The following PHYHIPL variants were observed in gnomAD, a reference collection of about 807,000 sequenced individuals.
PHYHIPL encodes the protein phytanoyl-CoA hydroxylase-interacting protein-like.
PHYHIPL carries 9 observed loss-of-function variants against 33.4 expected under a neutral mutation model. The ratio of observed to expected loss-of-function variants is 0.27; its 90% CI spans 0.16 to 0.47. The LOEUF is 0.47. Among genes scored for constraint, PHYHIPL ranks in the 20% least tolerant of loss-of-function variants. The pLI is 0.99. For synonymous variants in PHYHIPL, 153 were observed against 154.1 expected, an observed-to-expected ratio of 0.99 and a Z score of 0.05; for missense variants, 365 against 460.7, an observed-to-expected ratio of 0.79 and a Z score of 1.90.
At chr10:59,187,307 A>G (rs1265536334) in intron 1 of PHYHIPL, among the ~76,000 whole-genome samples, 1 of 152,214 alleles carries the variant, frequency 6.6e-6, no homozygotes, top group African/African-American at 2.4e-5. Flanking sequence ...CATCCCAGGG[A>G]TGAAGCCGAC....
intron 1 of PHYHIPL, among the ~76,000 whole-genome samples, chr10:59,193,651 T>C (rs964774047): frequency 7.2e-5 from 11 of 152,186 alleles, no homozygotes; most frequent in African/African-American, 2.4e-4. Context: ...GCAGACTCTT[T>C]TTGTTTAAGC....
chr10:59,220,791 T>C (rs1839747998), intron 1 of PHYHIPL, among the ~76,000 whole-genome samples: 1 of 152,086 alleles, frequency 6.6e-6, no homozygotes, highest in African/African-American at 2.4e-5. Flanking sequence ...AAATCTTCTC[T>C]TTTACATCAG....
chr10:59,206,658 A>G, intron 1 of PHYHIPL: 1 of 324,360 alleles, frequency 3.1e-6, no homozygotes, highest in Non-Finnish European at 4.8e-6. Flanking sequence ...AAGCACATTT[A>G]TTTAATTCAA....
At chr10:59,206,110 T>A (rs1839276839) in intron 1 of PHYHIPL, among the ~76,000 whole-genome samples, 1 of 152,232 alleles carries the variant, frequency 6.6e-6, no homozygotes, top group South Asian at 2.1e-4. Flanking sequence ...GGTGTTTTCA[T>A]CTATAAATGA....
At chr10:59,203,102 C>A (rs1458477578) in intron 1 of PHYHIPL, among the ~76,000 whole-genome samples, 1 of 152,100 alleles carries the variant, frequency 6.6e-6, no homozygotes, top group African/African-American at 2.4e-5. Context: ...AGAAGGTGGG[C>A]AATGGATATG....
intron 1 of PHYHIPL, among the ~76,000 whole-genome samples, chr10:59,192,652 T>C (rs1294525235): frequency 6.6e-6 from 1 of 152,142 alleles, no homozygotes. Context: ...GTAGGATTTT[T>C]AAGACAAGAT....
chr10:59,224,361 TAGG>T (rs1488924467), intron 1 of PHYHIPL, among the ~76,000 whole-genome samples: 4 of 151,760 alleles, frequency 2.6e-5, no homozygotes, highest in African/African-American at 9.7e-5. Flanking sequence ...GAGGCTGAGG[TAGG>T]AGAATCACTT....
intron 1 of PHYHIPL, among the ~76,000 whole-genome samples, chr10:59,200,042 C>A (rs1339869781): frequency 2.6e-5 from 4 of 152,112 alleles, no homozygotes; most frequent in African/African-American, 9.7e-5. Context: ...ATTGAATACC[C>A]TTTATTTCTT....
chr10:59,183,749 G>C, intron 1 of PHYHIPL: 15 of 838,028 alleles, frequency 1.8e-5, no homozygotes, highest in Non-Finnish European at 2.2e-5. Flanking sequence ...TTTGAGCCAT[G>C]TAGTGGCTCA....
At chr10:59,231,343 A>G (rs1403408988) in intron 1 of PHYHIPL, among the ~76,000 whole-genome samples, 2 of 152,132 alleles carry the variant, frequency 1.3e-5, no homozygotes, top group Non-Finnish European at 2.9e-5. Context: ...TGTTTGCTCT[A>G]TAAAAGAGAG....
chr10:59,237,850 G>T (rs941635531), intron 3 of PHYHIPL, among the ~76,000 whole-genome samples: 8 of 151,794 alleles, frequency 5.3e-5, no homozygotes, highest in Non-Finnish European at 5.9e-5. Flanking sequence ...TCTTTGCAAG[G>T]AATAATAATA....
intron 1 of PHYHIPL, among the ~76,000 whole-genome samples, chr10:59,207,454 G>A (rs145639988): frequency 8.5e-5 from 13 of 152,262 alleles, no homozygotes; most frequent in African/African-American, 2.9e-4. Flanking sequence ...ATTCCCTCAG[G>A]TGTCTCTGCC....
intron 1 of PHYHIPL, among the ~76,000 whole-genome samples, chr10:59,224,429 T>C (rs1839861245): frequency 6.6e-6 from 1 of 150,556 alleles, no homozygotes; most frequent in Admixed American, 6.7e-5. Flanking sequence ...CACTCCAGCC[T>C]GGGCAAGAGT....
rs201614432 is a variant in PHYHIPL, at chr10:59,180,257, T to C, written c.106+3298T>C. Among the ~76,000 whole-genome samples the C allele has an allele frequency of 5.4e-3, 643 of 118,948 alleles. 4 individuals are homozygous for C. Among genetic ancestry groups the C allele is most frequent in the Middle Eastern group, 0.025 (5 of 204 alleles). 78.0% of individuals were successfully genotyped at this position (118,948 alleles called of 152,430 possible). On this transcript the variant is annotated intron_variant, in intron 1 of 4. Transcript: ENST00000373880. ...GCTTTTCGTCTTTTAATCATATATA[T>C]ACACACACACACACACACACATACA...
chr10:59,184,918 C>A (rs965898328), intron 1 of PHYHIPL, among the ~76,000 whole-genome samples: 2 of 148,734 alleles, frequency 1.3e-5, no homozygotes, highest in African/African-American at 2.5e-5. Context: ...TTTGTCCTTG[C>A]GATAGTTTGC....
intron 1 of PHYHIPL, among the ~76,000 whole-genome samples, chr10:59,225,118 T>C (rs1839890041): frequency 2.3e-5 from 1 of 43,978 alleles, no homozygotes; most frequent in Non-Finnish European, 6.9e-5. Context: ...AACTATCCCC[T>C]CCATAAGACC....
chr10:59,202,356 T>G (rs1045533753), intron 1 of PHYHIPL, among the ~76,000 whole-genome samples: 1 of 152,112 alleles, frequency 6.6e-6, no homozygotes, highest in African/African-American at 2.4e-5. Flanking sequence ...TTAATAAAAT[T>G]TAAAAATATA....
At position 59,233,269 on chromosome 10, in the gene PHYHIPL, G is replaced by A. The variant is rs75119834; in HGVS notation, c.107-1035G>A. ...AAAAGTTTGTATCAATGACTGTCAT[G>A]GAAATGTAGGGGAGGAGAAAACAAT... On this transcript the variant is annotated intron_variant, in intron 1 of 4. Coordinates refer to ENST00000373880, the MANE Select transcript of PHYHIPL (RefSeq NM_032439.4). 2.7e-3 allele frequency among the ~76,000 whole-genome samples: 414 copies of A among 151,912 alleles called. 6 individuals are homozygous for A. The East Asian group carries it at 0.03, about 11-fold the overall frequency.
At chr10:59,200,719 C>T (rs1839076522) in intron 1 of PHYHIPL, among the ~76,000 whole-genome samples, 2 of 152,086 alleles carry the variant, frequency 1.3e-5, no homozygotes, top group Non-Finnish European at 2.9e-5. Flanking sequence ...CTATTATTTA[C>T]TGCCTCAATT....
Sources: gnomAD v4.1 joint callset for allele counts (sites outside exome capture counted in the v4.1 genomes callset) on GRCh38, gnomAD v4.1.1 for gene constraint, MANE v1.5 for transcripts, NCBI Gene and HGNC (gene_info 2026-07-23, HGNC 2026-07-21) for gene names.